Variants in TUBGCP3 observed in about 807,000 individuals in gnomAD.
TUBGCP3 encodes tubulin gamma complex component 3.
A neutral mutation model predicts 123.1 loss-of-function variants in TUBGCP3; 50 were observed. That is an observed-to-expected ratio of 0.41 (90% CI 0.32 to 0.51). The LOEUF is 0.51. TUBGCP3 is among the 20% of genes least tolerant of loss of function. The probability of loss-of-function intolerance (pLI) is 0.36; values close to 1 mark genes in which losing one functional copy is unlikely to be tolerated. For missense variants in TUBGCP3, 882 were observed against 1,127.0 expected, an observed-to-expected ratio of 0.78 and a Z score of 3.11; for synonymous variants, 405 against 413.9, an observed-to-expected ratio of 0.98 and a Z score of 0.26.
chr13:112,517,286 G>C lies in TUBGCP3; in HGVS notation c.1951-711C>G, dbSNP rs117159932. On this transcript the variant is annotated intron_variant, in intron 16 of 21. Transcript: ENST00000261965. ...ATTTGCCTTTTTTAAATAAATCTAT[G>C]ATATAAACTTTTTTCCTCGAGTCCT... Among the ~76,000 whole-genome samples, 917 of 152,144 alleles carry C rather than the reference G, an allele frequency of 6.0e-3. 4 individuals carry two copies. Among genetic ancestry groups the C allele is most frequent in the Non-Finnish European group, 9.4e-3 (640 of 68,024 alleles).
chr13:112,551,145 T>C (rs1345496656), intron 8 of TUBGCP3, among the ~76,000 whole-genome samples: 1 of 152,132 alleles, frequency 6.6e-6, no homozygotes, highest in Non-Finnish European at 1.5e-5. Flanking sequence ...ATCAAATCAT[T>C]ATCCAACGTG....
chr13:112,520,005 G>C lies in TUBGCP3; in HGVS notation c.1762C>G (p.Pro588Ala). 1 of 1,613,742 alleles carries C rather than the reference G, an allele frequency of 6.2e-7. No individual in the cohort carries two copies. Among genetic ancestry groups the C allele is most frequent in the Non-Finnish European group, 8.5e-7 (1 of 1,179,754 alleles). The change falls in exon 15 of 22, where the codon CCA becomes GCA. Residue 588 changes from proline to alanine, a missense_variant. By Grantham distance (27) the Pro-to-Ala change is conservative (BLOSUM62 -1). Around this residue, in one of 3 missense-constraint regions of TUBGCP3, gnomAD observed 713 missense variants for 874.0 expected, o/e 0.82. Transcript: ENST00000261965. The part of the protein sequence containing the change: ...MDLLKPELVR[P>A]ATTLYQHNLT... ...TTATGCTGATACAAAGTCGTAGCTGGACGGACAAGTTCTGGTCTTAACAAA... is the reference window on the plus strand; with the variant it reads ...TTATGCTGATACAAAGTCGTAGCTGCACGGACAAGTTCTGGTCTTAACAAA...
At chr13:112,570,747 T>C (rs561937757) in intron 1 of TUBGCP3, among the ~76,000 whole-genome samples, 5 of 152,336 alleles carry the variant, frequency 3.3e-5, no homozygotes, top group African/African-American at 7.2e-5. Context: ...GCATGTGATG[T>C]TGTTTGATAG....
At chr13:112,591,442 T>C (rs185305807), upstream of TUBGCP3, among the ~76,000 whole-genome samples, 189 of 152,334 alleles carry the variant, frequency 1.2e-3, 1 homozygote, top group African/African-American at 4.3e-3. Flanking sequence ...CCCACCACAC[T>C]TCCTTCTTTT....
chr13:112,503,487 T>A (rs1887650), intron 19 of TUBGCP3, among the ~76,000 whole-genome samples: 5 of 151,996 alleles, frequency 3.3e-5, no homozygotes, highest in Admixed American at 2.6e-4. Flanking sequence ...CTCCTGTCTC[T>A]GCCTCCCAAG....
chr13:112,545,626 G>GA lies in TUBGCP3; in HGVS notation c.1335+72dup. On this transcript the variant is annotated intron_variant, in intron 11 of 21. Transcript: ENST00000261965. This position sits in a 1 kb window ranked among gnomAD's most constrained non-coding sequence, Gnocchi z 4.1. Reference sequence around the variant, plus strand: ...TAGGAGAACATGGTAATCATGAGGGGAAAAATGAAACAGCATAACTGCGTG... The same window carrying GA: ...TAGGAGAACATGGTAATCATGAGGGGAAAAAATGAAACAGCATAACTGCGTG... 6.4e-7 allele frequency: 1 copy of GA among 1,552,914 alleles called. No individual in the cohort carries two copies. Among genetic ancestry groups the GA allele is most frequent in the Non-Finnish European group, 8.8e-7 (1 of 1,130,114 alleles).
chr13:112,508,943 G>A lies in TUBGCP3; in HGVS notation c.2087-4229C>T, dbSNP rs1393761325. Among the ~76,000 whole-genome samples, 1 of 152,070 alleles carries A rather than the reference G, an allele frequency of 6.6e-6. No individual in the cohort carries two copies. Among genetic ancestry groups the A allele is most frequent in the South Asian group, 2.1e-4 (1 of 4,818 alleles). On this transcript the variant is annotated intron_variant, in intron 17 of 21. Coordinates refer to ENST00000261965, the MANE Select transcript of TUBGCP3 (RefSeq NM_006322.6). This position sits in a 1 kb window ranked among gnomAD's most constrained non-coding sequence, Gnocchi z 4.2. The stretch of plus-strand genomic sequence containing the variant: ...TGTAACCATAAAGGCCAACGTCACC[G>A]CACACGGATTATTACAACTGGCTGC...
At chr13:112,552,783 C>T (rs1389187057) in intron 8 of TUBGCP3, among the ~76,000 whole-genome samples, 1 of 151,684 alleles carries the variant, frequency 6.6e-6, no homozygotes, top group East Asian at 1.9e-4. Context: ...CCCCACCAGC[C>T]ACGCTCTTCC....
rs1876920671 is a variant in TUBGCP3 at position 112,524,864 on chromosome 13, T to C, written c.1555+2078A>G. On this transcript the variant is annotated intron_variant, in intron 13 of 21. Transcript: ENST00000261965. This position sits in a 1 kb window ranked among gnomAD's most constrained non-coding sequence, Gnocchi z 4.4. The stretch of plus-strand genomic sequence containing the variant: ...TCCAATACATGCTGGAAGCTTCCAC[T>C]AGTAAGTCCTCTCAGCTACTGAAAA... Among the ~76,000 whole-genome samples the C allele has an allele frequency of 6.6e-6, 1 of 152,152 alleles. No individual in the cohort carries two copies. The highest frequency in any genetic ancestry group is 1.5e-5 in the Non-Finnish European group (1 of 68,034).
intron 13 of TUBGCP3, among the ~76,000 whole-genome samples, chr13:112,526,084 T>A (rs566733352): frequency 6.6e-6 from 1 of 152,074 alleles, no homozygotes; most frequent in African/African-American, 2.4e-5. Flanking sequence ...CATCATCATA[T>A]CATTACTATC....
upstream of TUBGCP3, among the ~76,000 whole-genome samples, chr13:112,590,399 CAG>C (rs1882863169): frequency 6.6e-6 from 1 of 152,250 alleles, no homozygotes; most frequent in South Asian, 2.1e-4. Context: ...GGTATACAGT[CAG>C]GGCTGTCTTC....
At position 112,573,206 on chromosome 13, in the gene TUBGCP3, C is replaced by T. The variant is rs557274255; in HGVS notation, c.77-3947G>A. ...GCCTACGAGATTAGACATAACACAT[C>T]CATGAAACAAAACAGTATGCCATAA... On this transcript the variant is annotated intron_variant, in intron 1 of 21. Transcript: ENST00000261965. 2.0e-5 allele frequency among the ~76,000 whole-genome samples: 3 copies of T among 150,650 alleles called. No homozygotes were observed. In the East Asian group the frequency reaches 5.8e-4, roughly 29 times the overall value.
chr13:112,593,550 G>A, the TUBGCP3 span, among the ~76,000 whole-genome samples: 3 of 152,180 alleles, frequency 2.0e-5, no homozygotes, highest in Non-Finnish European at 2.9e-5. Context: ...CCGCGTGCCT[G>A]CAATCCCAGC....
chr13:112,576,728 CAACAT>C (rs1408848366), intron 1 of TUBGCP3, among the ~76,000 whole-genome samples: 3 of 151,720 alleles, frequency 2.0e-5, no homozygotes, highest in Non-Finnish European at 2.9e-5. Context: ...AATAAAAACA[CAACAT>C]ATCAAAATAT....
chr13:112,525,468 A>G (rs897464809), intron 13 of TUBGCP3, among the ~76,000 whole-genome samples: 4 of 152,262 alleles, frequency 2.6e-5, no homozygotes, highest in Admixed American at 2.0e-4. Flanking sequence ...TCATGAAAGG[A>G]ACAGTCATGG....
chr13:112,527,630 T>A (rs942005808), intron 11 of TUBGCP3, 146 bp from the exon 12 acceptor site: 10 of 602,914 alleles, frequency 1.7e-5, no homozygotes, highest in Middle Eastern at 3.9e-4. Flanking sequence ...AAAACTTGTA[T>A]GAAACACAGA....
At chr13:112,553,213 G>A (rs376249831) in intron 8 of TUBGCP3, among the ~76,000 whole-genome samples, 9 of 148,692 alleles carry the variant, frequency 6.1e-5, no homozygotes, top group South Asian at 2.2e-4. Flanking sequence ...CACCGGCCAC[G>A]TTCCTGCCCA....
At chr13:112,585,054 A>C (rs932178827) in intron 1 of TUBGCP3, among the ~76,000 whole-genome samples, 8 of 152,224 alleles carry the variant, frequency 5.3e-5, no homozygotes, top group Non-Finnish European at 1.2e-4. Context: ...TCAACTGTAT[A>C]ATTTTTTAAA....
At chr13:112,579,601 G>A (rs750841233) in intron 1 of TUBGCP3, among the ~76,000 whole-genome samples, 6 of 147,528 alleles carry the variant, frequency 4.1e-5, no homozygotes, top group Non-Finnish European at 6.0e-5. Flanking sequence ...TGCTGTGTGC[G>A]GGTGGAGCCA....
Sources: allele counts gnomAD v4.1 joint callset (sites outside exome capture counted in the v4.1 genomes callset), GRCh38; gene constraint gnomAD v4.1.1; regional missense constraint gnomAD v4.1.1; non-coding constraint Gnocchi (gnomAD v3.1); transcripts MANE v1.5; gene names NCBI Gene and HGNC (gene_info 2026-07-23, HGNC 2026-07-21).